EPPK1: variants seen among roughly 807,000 people sequenced by gnomAD.
EPPK1 encodes epiplakin.
For synonymous variants in EPPK1, 1,862 were observed against 1,721.2 expected (o/e 1.08, Z -2.03); for missense variants, 3,823 against 3,673.3 (o/e 1.04, Z -1.05).
In EPPK1 at chr8:143,868,712, CCT is replaced by C. The variant is rs782813343; in HGVS notation, c.4540_4541del (p.Arg1514AlafsTer257). 1.3e-6 allele frequency: 2 copies of C among 1,580,128 alleles called. No homozygotes were observed. Among genetic ancestry groups the C allele is most frequent in the African/African-American group, 2.7e-5 (2 of 74,258 alleles). On this transcript the variant is annotated frameshift_variant, in exon 2 of 2. Transcript: ENST00000615648. LOFTEE classifies it low-confidence loss of function (END_TRUNC). ...CTCTGAAGGTGGCCTGCAGGGGCTG[CCT>C]CTCTGCAGCCTCGACCAGGGTGGTG... ...AVTTLVEAAE[R>X]QPLQATFRGL...
chr8:143,867,435 A>G lies in EPPK1; in HGVS notation c.5819T>C (p.Leu1940Pro), dbSNP rs1554659482. The G allele has an allele frequency of 1.2e-6, 2 of 1,612,538 alleles. No individual in the cohort carries two copies. The highest frequency in any genetic ancestry group is 1.7e-6 in the Non-Finnish European group (2 of 1,179,858). The part of the protein sequence containing the change: ...LLEAQAATGF[L>P]LDPCTRQKLS... ...CTTCTGGCGGGTGCAGGGGTCCAGG[A>G]GGAACCCGGTGGCGGCCTGCGCCTC... Residue 1940 changes from leucine to proline, a missense_variant, in exon 2 of 2, where the codon CTC (leucine) becomes CCC (proline). Coordinates refer to ENST00000615648, the MANE Select transcript of EPPK1 (RefSeq NM_031308.4).
intron 1 of EPPK1, 80 bp downstream of exon 1, chr8:143,878,358 C>T (rs1586707056): frequency 1.4e-5 from 2 of 145,956 alleles, no homozygotes; most frequent in Non-Finnish European, 3.0e-5. Context: ...GAGCCCGCAC[C>T]CGCACCCGCC....
chr8:143,857,738 A>AAT lies in EPPK1; in HGVS notation c.*248_*249insAT. ...AAAAATGTTCTGAAAACGAAAAAGGAGAGAAAAGTAAAACCATATGACACA... is the reference window on the plus strand; with the variant it reads ...AAAAATGTTCTGAAAACGAAAAAGGAATGAGAAAAGTAAAACCATATGACACA... On this transcript the variant is annotated 3_prime_UTR_variant, in exon 2 of 2. Coordinates refer to ENST00000615648, the MANE Select transcript of EPPK1 (RefSeq NM_031308.4). 2.4e-6 allele frequency: 1 copy of AAT among 419,260 alleles called. No individual in the cohort carries two copies. The highest frequency in any genetic ancestry group is 4.2e-6 in the Non-Finnish European group (1 of 239,192). The allele number at this position is 419,260 out of a possible 1,614,324, so 26.0% of individuals were successfully genotyped here.
rs377501477 is a variant in EPPK1, at chr8:143,870,724, C to G, written c.2530G>C (p.Glu844Gln). The stretch of plus-strand genomic sequence containing the variant: ...CGCAGCAGCTGCCTCCTGCGGCCCT[C>G]GCTGAAGTACTCAGAGTTGATCAGC... ...WELINSEYFS[E>Q]GRRRQLLRRY... The change falls in exon 2 of 2, where the codon GAG becomes CAG. Residue 844 changes from glutamate (E) to glutamine (Q), a missense_variant. By Grantham distance (29) the Glu-to-Gln change is conservative. Coordinates refer to ENST00000615648, the MANE Select transcript of EPPK1 (RefSeq NM_031308.4). The surrounding 1 kb of genome is among the most constrained non-coding windows in gnomAD (Gnocchi z 5.2). 6.2e-7 allele frequency: 1 copy of G among 1,611,814 alleles called. No homozygotes were observed. The highest frequency in any genetic ancestry group is 1.1e-5 in the South Asian group (1 of 91,004).
In EPPK1 at chr8:143,873,250, T is replaced by A. The variant is rs782282450; in HGVS notation, c.4A>T (p.Ser2Cys). 6.4e-7 allele frequency: 1 copy of A among 1,554,820 alleles called. No homozygotes were observed. The highest frequency in any genetic ancestry group is 8.6e-7 in the Non-Finnish European group (1 of 1,157,048). The change falls in exon 2 of 2, where the codon AGT becomes TGT. Residue 2 changes from serine (S) to cysteine (C), a missense_variant. Transcript: ENST00000615648. M[S>C]GHTLPPLPVP... ...GGAAGAGGAGGCAAGGTGTGGCCAC[T>A]CATCACACACGGCTGGTTATGCAGA...
At position 143,867,711 on chromosome 8, in the gene EPPK1, G is replaced by A. The variant is rs150969952; in HGVS notation, c.5543C>T (p.Ala1848Val). Reference sequence around the variant, plus strand: ...AGCTGTCACCTCCCCTCTGATGGCCGCCACTTTGATGCCTTGGTTTTGCGT... The same window carrying A: ...AGCTGTCACCTCCCCTCTGATGGCCACCACTTTGATGCCTTGGTTTTGCGT... ...TETQNQGIKV[A>V]AIRGEVTAAD... Residue 1848 changes from alanine to valine, a missense_variant, in exon 2 of 2, where the codon GCG becomes GTG. By Grantham distance (64) the Ala-to-Val change is moderately conservative. Coordinates refer to ENST00000615648, the MANE Select transcript of EPPK1 (RefSeq NM_031308.4). 2.9e-3 allele frequency: 4,600 copies of A among 1,613,696 alleles called. 9 individuals are homozygous for A. Among genetic ancestry groups the A allele is most frequent in the Non-Finnish European group, 3.4e-3 (3,959 of 1,179,854 alleles).
rs559235111 is a variant in EPPK1 at position 143,871,016 on chromosome 8, G to A, written c.2238C>T (p.Arg746=). The A allele has an allele frequency of 4.8e-5, 77 of 1,613,240 alleles. No individual in the cohort carries two copies. The East Asian group carries it at 4.9e-4, about 10-fold the overall frequency. ...HRVPVDVAYR[R]GYFDQMLNLI... is the part of the protein sequence containing the mutation. ...AGTTCAGCATCTGATCGAAGTAGCC[G>A]CGCCGGTAGGCCACGTCCACGGGCA... Residue 746 remains arginine, a synonymous_variant, in exon 2 of 2, where the codon CGC becomes CGT. Coordinates refer to ENST00000615648, the MANE Select transcript of EPPK1 (RefSeq NM_031308.4).
intron 1 of EPPK1, 150 bp downstream of exon 1, chr8:143,878,288 C>CGGCGT (rs1488396814): frequency 1.3e-5 from 2 of 151,396 alleles, no homozygotes; most frequent in African/African-American, 4.9e-5. Flanking sequence ...ACCCTGGCCT[C>CGGCGT]GGCGTGCGGC....
chr8:143,867,280 CCTGGAACAG>C lies in EPPK1; in HGVS notation c.5965_5973del (p.Leu1989_Gln1991del). 6.2e-7 allele frequency: 1 copy of C among 1,612,330 alleles called. No individual in the cohort carries two copies. The highest frequency in any genetic ancestry group is 8.5e-7 in the Non-Finnish European group (1 of 1,179,550). The stretch of plus-strand genomic sequence containing the variant: ...TTCTCGATGAGCTGCTTCTGCATGG[CCTGGAACAG>C]CGGGATCGTGTCTCCTGTGGCCGGA... On this transcript the variant is annotated inframe_deletion, in exon 2 of 2. Coordinates refer to ENST00000615648, the MANE Select transcript of EPPK1 (RefSeq NM_031308.4).
In EPPK1 at chr8:143,871,963, G is replaced by A; in HGVS notation, c.1291C>T (p.Gln431Ter). 2 of 1,598,216 alleles carry A rather than the reference G, an allele frequency of 1.3e-6. No homozygotes were observed. Among genetic ancestry groups the A allele is most frequent in the Non-Finnish European group, 1.7e-6 (2 of 1,177,040 alleles). ...CGCLDEDTQR[Q>*]LSQAGSFSDG... ...GAGAAGCTGCCAGCCTGCGAGAGCT[G>A]CCGCTGAGTGTCTTCATCCAGGCAG... The change falls in exon 2 of 2, where the codon CAG becomes TAG. Residue 431 changes from glutamine to a stop codon, truncating the protein, a stop_gained. Transcript: ENST00000615648. LOFTEE classifies it low-confidence loss of function (END_TRUNC).
chr8:143,877,020 CAA>C (rs1367604631), intron 1 of EPPK1, among the ~76,000 whole-genome samples: 1 of 152,266 alleles, frequency 6.6e-6, no homozygotes, highest in Non-Finnish European at 1.5e-5. Context: ...GTTCCCCAAA[CAA>C]AGAGGAGATC....
rs376434440 is a variant in EPPK1 at position 143,866,863 on chromosome 8, C to T, written c.6391G>A (p.Val2131Met). The T allele has an allele frequency of 3.4e-5, 55 of 1,613,168 alleles. No homozygotes were observed. The highest frequency in any genetic ancestry group is 4.5e-5 in the East Asian group (2 of 44,892). ...TLWALLNSEY[V>M]TEEKKLQLVR... is the part of the protein sequence containing the mutation. Reference sequence around the variant, plus strand: ...AGCTGGAGCTTCTTCTCCTCTGTCACGTATTCGGAATTCAGTAGTGCCCAC... The same window carrying T: ...AGCTGGAGCTTCTTCTCCTCTGTCATGTATTCGGAATTCAGTAGTGCCCAC... Residue 2131 changes from valine (V) to methionine (M), a missense_variant, in exon 2 of 2, where the codon GTG becomes ATG. Val to Met is a conservative substitution (Grantham distance 21). Transcript: ENST00000615648.
At chr8:143,873,836 C>T (rs576846916) in intron 1 of EPPK1, among the ~76,000 whole-genome samples, 42 of 152,220 alleles carry the variant, frequency 2.8e-4, no homozygotes, top group African/African-American at 9.4e-4. Context: ...CCACCTGGAC[C>T]TGTCACTCCA....
Position 143,869,337 on chromosome 8 carries a change from A to C in EPPK1, c.3917T>G (p.Val1306Gly). Residue 1306 changes from valine (V) to glycine (G), a missense_variant, in exon 2 of 2, where the codon GTC (valine) becomes GGC (glycine). Val to Gly is a moderately radical substitution (Grantham distance 109). Coordinates refer to ENST00000615648, the MANE Select transcript of EPPK1 (RefSeq NM_031308.4). The part of the protein sequence containing the change: ...QRLSVEDAVK[V>G]GLVGRELSEQ... ...ACTCAGCTCCCTGCCCACCAGGCCGACCTTAACCGCGTCCTCCACTGACAG... is the reference window on the plus strand; with the variant it reads ...ACTCAGCTCCCTGCCCACCAGGCCGCCCTTAACCGCGTCCTCCACTGACAG... 1 of 1,609,268 alleles carries C rather than the reference A, an allele frequency of 6.2e-7. No individual in the cohort carries two copies. The highest frequency in any genetic ancestry group is 1.1e-5 in the South Asian group (1 of 90,716).
At position 143,868,941 on chromosome 8, in the gene EPPK1, G is replaced by A; in HGVS notation, c.4313C>T (p.Thr1438Ile). Residue 1438 changes from threonine to isoleucine, a missense_variant, in exon 2 of 2, where the codon ACA (threonine) becomes ATA (isoleucine). Transcript: ENST00000615648. ...GLLLLPLPSD[T>I]VLEVDDHTAV... is the part of the protein sequence containing the mutation. The stretch of plus-strand genomic sequence containing the variant: ...GGTGTGGTCGTCCACCTCAAGCACT[G>A]TGTCTGAGGGCAGTGGCAACAGCAA... 2.5e-6 allele frequency: 4 copies of A among 1,610,900 alleles called. No individual in the cohort carries two copies. The highest frequency in any genetic ancestry group is 3.4e-6 in the Non-Finnish European group (4 of 1,179,846).
rs554849814 is a variant in EPPK1, at chr8:143,867,370, C to G, written c.5884G>C (p.Glu1962Gln). The change falls in exon 2 of 2, where the codon GAG becomes CAG. Residue 1962 changes from glutamate to glutamine, a missense_variant. Physicochemically the swap from Glu to Gln is conservative, Grantham distance 29. Coordinates refer to ENST00000615648, the MANE Select transcript of EPPK1 (RefSeq NM_031308.4). ...DEAVDVGLVN[E>Q]ELRERLLKAE... ...TTCAGGAGCCTCTCCCGCAGCTCCT[C>G]GTTCACCAGGCCCACATCCACAGCC... 11 of 1,612,808 alleles carry G rather than the reference C, an allele frequency of 6.8e-6. No individual in the cohort carries two copies. Among genetic ancestry groups the G allele is most frequent in the Middle Eastern group, 3.3e-4 (2 of 6,084 alleles).
chr8:143,869,642 G>T lies in EPPK1; in HGVS notation c.3612C>A (p.Pro1204=). Residue 1204 remains proline, a synonymous_variant, in exon 2 of 2, where the codon CCC becomes CCA. Coordinates refer to ENST00000615648, the MANE Select transcript of EPPK1 (RefSeq NM_031308.4). ...TGCCAGCATCCAGCAGCCAGACAGC[G>T]GGTACCTCACCCCGTGGGCCGGGCA... ...VMVPGPRGEV[P]AVWLLDAGII... 6.3e-7 allele frequency: 1 copy of T among 1,589,058 alleles called. No homozygotes were observed. Among genetic ancestry groups the T allele is most frequent in the Non-Finnish European group, 8.6e-7 (1 of 1,168,112 alleles).
Position 143,867,473 on chromosome 8 carries a change from C to T in EPPK1, c.5781G>A (p.Ala1927=), listed in dbSNP as rs781881308. The stretch of plus-strand genomic sequence containing the variant: ...CGGCCTGCGCCTCCAGCAGCCAAGT[C>T]GCAAATGCTGCAGGGATGAGCTCCT... ...SRKELIPAAF[A]TWLLEAQAAT... The change falls in exon 2 of 2, where the codon GCG becomes GCA. Residue 1927 remains alanine (A), a synonymous_variant. Transcript: ENST00000615648. The T allele has an allele frequency of 2.0e-5, 32 of 1,612,452 alleles. No homozygotes were observed. Among genetic ancestry groups the T allele is most frequent in the Admixed American group, 3.3e-5 (2 of 59,994 alleles).
In EPPK1 at chr8:143,872,792, T is replaced by C; in HGVS notation, c.462A>G (p.Gln154=). The C allele has an allele frequency of 1.3e-6, 2 of 1,570,808 alleles. No individual in the cohort carries two copies. The highest frequency in any genetic ancestry group is 2.3e-5 in the East Asian group (1 of 44,136). ...GGTCCACCAGGCCCCCAGTGGCCAG[T>C]TGGACCTCCAGCCAGCTCTGCCCCA... ...RALGQSWLEV[Q]LATGGLVDPA... The change falls in exon 2 of 2, where the codon CAA becomes CAG. Residue 154 remains glutamine (Q), a synonymous_variant. Transcript: ENST00000615648.
Sources: gnomAD v4.1 joint callset for allele counts (sites outside exome capture counted in the v4.1 genomes callset) on GRCh38, gnomAD v4.1.1 for gene constraint, Gnocchi (gnomAD v3.1) non-coding constraint, MANE v1.5 for transcripts, NCBI Gene and HGNC (gene_info 2026-07-23, HGNC 2026-07-21) for gene names.